Variants in SUN3 observed in about 807,000 individuals in gnomAD.
SUN3 encodes Sad1 and UNC84 domain containing 3.
A neutral mutation model predicts 48.2 loss-of-function variants in SUN3; 36 were observed. The ratio of observed to expected loss-of-function variants is 0.75; its 90% confidence interval spans 0.57 to 0.99. The LOEUF (loss-of-function observed/expected upper bound fraction) is 0.99, where lower values mean the gene tolerates loss of function less well. Ranked by LOEUF, SUN3 falls within the 50% of genes least tolerant of loss-of-function variation. SUN3 has a pLI of 0.00. For missense variants in SUN3, 419 were observed against 433.1 expected (o/e 0.97, Z 0.29); for synonymous variants, 148 against 147.9 (o/e 1.00, Z 0.00).
the SUN3 span, among the ~76,000 whole-genome samples, chr7:48,034,992 C>T: frequency 2.0e-5 from 3 of 152,060 alleles, no homozygotes; most frequent in Non-Finnish European, 2.9e-5. Flanking sequence ...AATTTGCAAG[C>T]AAATTTGTCT....
chr7:48,014,794 T>C (rs182506908), intron 3 of SUN3, among the ~76,000 whole-genome samples: 2 of 152,294 alleles, frequency 1.3e-5, no homozygotes, highest in African/African-American at 4.8e-5. Flanking sequence ...TTGGCTTAAA[T>C]GATTGCAGGG....
At position 48,014,603 on chromosome 7, in the gene SUN3, G is replaced by T. The variant is rs369686100; in HGVS notation, c.288+2659C>A. On this transcript the variant is annotated intron_variant, in intron 3 of 9. Transcript: ENST00000297325. The stretch of plus-strand genomic sequence containing the variant: ...TAATGAGGAGACATTTGGACTAGCT[G>T]GAATTTCAGAAAGAAACCAATCCTG... Among the ~76,000 whole-genome samples, 4 of 152,184 alleles carry T rather than the reference G, an allele frequency of 2.6e-5. No homozygotes were observed. In the East Asian group the frequency reaches 7.7e-4, roughly 29 times the overall value.
chr7:48,015,862 CA>C (rs1789796789), intron 3 of SUN3, among the ~76,000 whole-genome samples: 1 of 152,232 alleles, frequency 6.6e-6, no homozygotes, highest in Non-Finnish European at 1.5e-5. Context: ...GGAAGGAATT[CA>C]GTTCATGGTT....
At chr7:48,033,523 A>C (rs973741927), upstream of SUN3, among the ~76,000 whole-genome samples, 9 of 152,202 alleles carry the variant, frequency 5.9e-5, no homozygotes, top group Admixed American at 2.6e-4. Flanking sequence ...GATCACACTA[A>C]TGCCTTTCAG....
intron 3 of SUN3, among the ~76,000 whole-genome samples, chr7:48,013,918 C>T (rs567208471): frequency 6.6e-6 from 1 of 152,178 alleles, no homozygotes; most frequent in East Asian, 1.9e-4. Context: ...GATCATAGGT[C>T]AACCTCAACC....
At chr7:48,012,654 A>G (rs1248637462) in intron 3 of SUN3, among the ~76,000 whole-genome samples, 1 of 152,232 alleles carries the variant, frequency 6.6e-6, no homozygotes, top group Non-Finnish European at 1.5e-5. Flanking sequence ...TAGCTTTAAG[A>G]TAGAAACCAA....
chr7:47,993,499 A>G (rs1008615674), intron 8 of SUN3, among the ~76,000 whole-genome samples: 2 of 152,266 alleles, frequency 1.3e-5, no homozygotes, highest in African/African-American at 4.8e-5. Context: ...AAATATTGAG[A>G]CATACTACAT....
At chr7:48,000,322 G>C (rs1196641672) in intron 6 of SUN3, 1 of 152,180 alleles carries the variant, frequency 6.6e-6, no homozygotes, top group East Asian at 1.9e-4. Flanking sequence ...ATTTTTAGTA[G>C]AGACAGGATT....
chr7:48,016,600 C>G (rs1202492912), intron 3 of SUN3, among the ~76,000 whole-genome samples: 1 of 152,122 alleles, frequency 6.6e-6, no homozygotes, highest in African/African-American at 2.4e-5. Flanking sequence ...AGCTTCAGGA[C>G]AAAGGGAAGT....
upstream of SUN3, chr7:48,029,148 C>T: frequency 3.2e-6 from 2 of 623,050 alleles, no homozygotes; most frequent in South Asian, 4.1e-5. Flanking sequence ...CCTCATAATG[C>T]AGATGGCCAC....
chr7:48,005,850 T>TG, intron 6 of SUN3, 119 bp downstream of exon 6: 6 of 448,852 alleles, frequency 1.3e-5, no homozygotes, highest in Non-Finnish European at 2.0e-5. Flanking sequence ...TTGATTAATT[T>TG]CCCCCCCCCA....
chr7:47,996,290 A>G, intron 6 of SUN3, 144 bp from the exon 7 acceptor site: 1 of 522,276 alleles, frequency 1.9e-6, no homozygotes, highest in Non-Finnish European at 3.4e-6. Context: ...ATTGATAGGA[A>G]AAGTATGACA....
intron 6 of SUN3, 120 bp downstream of exon 6, chr7:48,005,849 T>TC (rs1207581561): frequency 1.8e-5 from 9 of 503,638 alleles, no homozygotes; most frequent in South Asian, 1.1e-4. Context: ...ATTGATTAAT[T>TC]TCCCCCCCCC....
At chr7:48,002,982 A>G (rs150753624) in intron 6 of SUN3, among the ~76,000 whole-genome samples, 288 of 150,750 alleles carry the variant, frequency 1.9e-3, no homozygotes, top group African/African-American at 6.5e-3. Context: ...ACTGTGTTGA[A>G]TAGGAGTGAC....
intron 6 of SUN3, among the ~76,000 whole-genome samples, chr7:48,005,509 T>G (rs1583760094): frequency 6.6e-6 from 1 of 152,178 alleles, no homozygotes; most frequent in Admixed American, 6.5e-5. Context: ...CAGGGCATGG[T>G]AGATAAGATT....
chr7:48,006,345 G>A (rs1240787762), intron 5 of SUN3, among the ~76,000 whole-genome samples: 1 of 151,232 alleles, frequency 6.6e-6, no homozygotes, highest in East Asian at 1.9e-4. Context: ...CTAACCACTG[G>A]CATCACAGTG....
intron 2 of SUN3, among the ~76,000 whole-genome samples, chr7:48,020,057 T>C (rs2128781990): frequency 6.6e-6 from 1 of 150,760 alleles, no homozygotes; most frequent in African/African-American, 2.4e-5. Flanking sequence ...CAAAAGCCCT[T>C]AACAAAATAC....
At chr7:48,035,529 C>A in the SUN3 span, 2 of 697,584 alleles carry the variant, frequency 2.9e-6, no homozygotes, top group South Asian at 3.0e-5. This position sits in a 1 kb window ranked among gnomAD's most constrained non-coding sequence, Gnocchi z 4.0. Flanking sequence ...GGTTCCGCGG[C>A]GCGCTGGGAG....
At chr7:47,990,704 T>C (rs761091089) in intron 8 of SUN3, among the ~76,000 whole-genome samples, 3 of 152,040 alleles carry the variant, frequency 2.0e-5, no homozygotes, top group African/African-American at 4.8e-5. Flanking sequence ...TAGTTTTATT[T>C]CTACCTCCTT....
Sources: allele counts gnomAD v4.1 joint callset (sites outside exome capture counted in the v4.1 genomes callset), GRCh38; gene constraint gnomAD v4.1.1; non-coding constraint Gnocchi (gnomAD v3.1); transcripts MANE v1.5; gene names NCBI Gene and HGNC (gene_info 2026-07-23, HGNC 2026-07-21).